CACNA1C: variants seen among roughly 807,000 people sequenced by gnomAD.
The protein encoded by CACNA1C is calcium voltage-gated channel subunit alpha1 C.
In CACNA1C, 30 loss-of-function variants were observed where a neutral mutation model predicts 229.0. The ratio of observed to expected loss-of-function variants is 0.13; its 90% CI spans 0.10 to 0.18. CACNA1C has a LOEUF of 0.18. Ranked by LOEUF, CACNA1C falls within the 10% of genes least tolerant of loss-of-function variation. CACNA1C has a pLI of 1.00. For missense variants in CACNA1C, 1,658 were observed against 2,845.0 expected (o/e 0.58, Z 9.49); for synonymous variants, 1,114 against 1,132.5 (o/e 0.98, Z 0.33).
chr12:2,009,730 AGT>A (rs2044059023), intron 1 of CACNA1C, among the ~76,000 whole-genome samples: 1 of 152,232 alleles, frequency 6.6e-6, no homozygotes, highest in African/African-American at 2.4e-5. Context: ...AGTTTGAAGC[AGT>A]GTGTTATCAG....
At chr12:2,277,975 GCA>G (rs1208747633) in intron 3 of CACNA1C, among the ~76,000 whole-genome samples, 1 of 152,224 alleles carries the variant, frequency 6.6e-6, no homozygotes, top group African/African-American at 2.4e-5. Flanking sequence ...ACCACTCTTA[GCA>G]CAGACTGAGG....
intron 1 of CACNA1C, among the ~76,000 whole-genome samples, chr12:2,095,439 T>G (rs1301929689): frequency 6.6e-6 from 1 of 152,182 alleles, no homozygotes; most frequent in Non-Finnish European, 1.5e-5. Flanking sequence ...TGAAAAATGG[T>G]AGTGCCATTG....
chr12:2,411,096 C>T (rs539771966), intron 3 of CACNA1C, among the ~76,000 whole-genome samples: 80 of 152,240 alleles, frequency 5.3e-4, no homozygotes, highest in African/African-American at 1.8e-3. Flanking sequence ...CCAACTGCTC[C>T]GCCCGTGTAT....
chr12:2,493,335 C>G lies in CACNA1C; in HGVS notation c.1062C>G (p.Leu354=). The G allele has an allele frequency of 1.2e-6, 2 of 1,614,172 alleles. No individual in the cohort carries two copies. The highest frequency in any genetic ancestry group is 1.7e-6 in the Non-Finnish European group (2 of 1,179,990). ...TNFDNFAFAM[L]TVFQCITMEG... ...TTGACAACTTTGCCTTCGCCATGCT[C>G]ACGGTGTTCCAGTGCATCACCATGG... The change falls in exon 7 of 47, where the codon CTC becomes CTG. Residue 354 remains leucine, a synonymous_variant. Transcript: ENST00000399655. This position sits in a 1 kb window ranked among gnomAD's most constrained non-coding sequence, Gnocchi z 4.6.
At chr12:2,345,162 A>AGT (rs2096975729) in intron 3 of CACNA1C, among the ~76,000 whole-genome samples, 1 of 151,664 alleles carries the variant, frequency 6.6e-6, no homozygotes, top group Non-Finnish European at 1.5e-5. Context: ...TCCCTCTGAG[A>AGT]GTAGGAAGAG....
At chr12:2,202,539 G>A (rs2154321784) in intron 3 of CACNA1C, among the ~76,000 whole-genome samples, 1 of 152,204 alleles carries the variant, frequency 6.6e-6, no homozygotes, top group African/African-American at 2.4e-5. Context: ...CTTATTAACA[G>A]GTATGGAAGT....
At chr12:2,310,461 A>G (rs2095375863) in intron 3 of CACNA1C, among the ~76,000 whole-genome samples, 1 of 152,100 alleles carries the variant, frequency 6.6e-6, no homozygotes, top group African/African-American at 2.4e-5. Context: ...TTGACAGATA[A>G]TAGGACTTAC....
chr12:2,177,583 C>T (rs866719375), intron 3 of CACNA1C, among the ~76,000 whole-genome samples: 5 of 63,578 alleles, frequency 7.9e-5, no homozygotes, highest in Admixed American at 1.6e-4. Flanking sequence ...CTCCCTCCCT[C>T]CCTCCCTTCC....
At chr12:2,500,906 C>A (rs181303721) in intron 7 of CACNA1C, among the ~76,000 whole-genome samples, 34 of 152,096 alleles carry the variant, frequency 2.2e-4, no homozygotes, top group African/African-American at 8.0e-4. Flanking sequence ...CTGCCCCACC[C>A]TCTCAAAAAA....
intron 3 of CACNA1C, among the ~76,000 whole-genome samples, chr12:2,336,461 T>G (rs1165088953): frequency 8.3e-5 from 4 of 48,404 alleles, no homozygotes; most frequent in Admixed American, 3.6e-4. Context: ...CTCTCTGGTA[T>G]TGTGAATCTG....
At chr12:2,135,136 G>A (rs1206553889) in intron 3 of CACNA1C, among the ~76,000 whole-genome samples, 3 of 147,756 alleles carry the variant, frequency 2.0e-5, no homozygotes, top group African/African-American at 7.7e-5. Flanking sequence ...TGTAGTTCTT[G>A]AGCCTTGGTT....
intron 1 of CACNA1C, among the ~76,000 whole-genome samples, chr12:2,031,773 C>T (rs2048262430): frequency 6.6e-6 from 1 of 152,138 alleles, no homozygotes; most frequent in South Asian, 2.1e-4. Context: ...ATGTAGATGG[C>T]TCAGTGGCTT....
intron 3 of CACNA1C, among the ~76,000 whole-genome samples, chr12:2,184,392 C>G (rs1566212486): frequency 6.6e-6 from 1 of 152,184 alleles, no homozygotes; most frequent in Admixed American, 6.5e-5. Flanking sequence ...TTCACAGCTG[C>G]TTCTGGTTGC....
intron 3 of CACNA1C, among the ~76,000 whole-genome samples, chr12:2,273,645 G>A (rs1186650240): frequency 6.6e-6 from 1 of 152,216 alleles, no homozygotes; most frequent in Non-Finnish European, 1.5e-5. Context: ...TAGACTTCTT[G>A]GGGTAACTTG....
intron 3 of CACNA1C, among the ~76,000 whole-genome samples, chr12:2,370,141 A>G (rs558829255): frequency 6.6e-6 from 1 of 152,372 alleles, no homozygotes; most frequent in South Asian, 2.1e-4. Flanking sequence ...TCACTAGTAA[A>G]ATAGAAACAT....
chr12:2,240,074 A>G (rs78367053), intron 3 of CACNA1C, among the ~76,000 whole-genome samples: 345 of 152,384 alleles, frequency 2.3e-3, no homozygotes, highest in Admixed American at 3.5e-3. Flanking sequence ...AAATTGCTGG[A>G]TCAGTCAGAA....
intron 1 of CACNA1C, among the ~76,000 whole-genome samples, chr12:2,090,302 A>G (rs1039185945): frequency 2.4e-4 from 33 of 140,288 alleles, no homozygotes; most frequent in African/African-American, 8.0e-4. Context: ...CATTTTATGG[A>G]TAGACTACTT....
In CACNA1C at chr12:2,696,175, T is replaced by A. The variant is rs149023138; in HGVS notation, c.*4976T>A. 1 of 152,312 alleles carries A rather than the reference T, an allele frequency of 6.6e-6. No individual in the cohort carries two copies. The highest frequency in any genetic ancestry group is 2.4e-5 in the African/African-American group (1 of 41,556). The allele number at this position is 152,312 out of a possible 1,614,324, so 9.4% of individuals were successfully genotyped here. ...CCTGAAGTGGCAAAGATCCATGGTC[T>A]TTGTAGGGTATTAGAGAACTCTTCC... On this transcript the variant is annotated 3_prime_UTR_variant, in exon 47 of 47. Coordinates refer to ENST00000399655, the MANE Select transcript of CACNA1C (RefSeq NM_000719.7).
chr12:2,119,961 G>C (rs796807234), intron 2 of CACNA1C, among the ~76,000 whole-genome samples: 2 of 152,400 alleles, frequency 1.3e-5, no homozygotes, highest in Admixed American at 6.5e-5. Flanking sequence ...GGCATAAACT[G>C]TGAAGAAACG....
Sources: gnomAD v4.1 joint callset for allele counts (sites outside exome capture counted in the v4.1 genomes callset) on GRCh38, gnomAD v4.1.1 for gene constraint, Gnocchi (gnomAD v3.1) non-coding constraint, MANE v1.5 for transcripts, NCBI Gene and HGNC (gene_info 2026-07-23, HGNC 2026-07-21) for gene names.